Variants in TECTA observed in about 807,000 individuals in gnomAD.
TECTA encodes alpha-tectorin.
A neutral mutation model predicts 216.8 loss-of-function variants in TECTA; 128 were observed. The ratio of observed to expected loss-of-function variants is 0.59; its 90% CI spans 0.51 to 0.68. The LOEUF is 0.68. TECTA is among the 30% of genes least tolerant of loss of function. TECTA has a pLI of 0.00. For missense variants in TECTA, 2,551 were observed against 2,786.2 expected, an observed-to-expected ratio of 0.92 and a Z score of 1.90; for synonymous variants, 1,089 against 1,117.1, an observed-to-expected ratio of 0.97 and a Z score of 0.50.
chr11:121,128,977 G>T (rs1342426010), intron 9 of TECTA, among the ~76,000 whole-genome samples: 1 of 152,208 alleles, frequency 6.6e-6, no homozygotes, highest in East Asian at 1.9e-4. Flanking sequence ...TACTAAAAGG[G>T]TAAGTGAAGG....
intron 6 of TECTA, 125 bp from the exon 7 acceptor site, chr11:121,118,181 C>T: frequency 1.6e-6 from 2 of 1,248,228 alleles, no homozygotes; most frequent in South Asian, 2.6e-5. Context: ...TGAGGGTGAC[C>T]ATACCTCCCT....
At chr11:121,156,222 T>C (rs185365800) in intron 13 of TECTA, among the ~76,000 whole-genome samples, 147 of 152,328 alleles carry the variant, frequency 9.7e-4, no homozygotes, top group African/African-American at 3.4e-3. Context: ...TTGCCCAGGC[T>C]GAAGTGCAGC....
rs1195908583 is a variant in TECTA, at chr11:121,188,003, G to A, written c.6162+9G>A. ...AGTACTCCTGTAAAATCGTAAGTGA[G>A]AGTGTGAAAACAAAGTGCTTAGCCT... On this transcript the variant is annotated intron_variant, in intron 21 of 23. Coordinates refer to ENST00000392793, the MANE Select transcript of TECTA (RefSeq NM_005422.4). 3.1e-6 allele frequency: 5 copies of A among 1,614,042 alleles called. No homozygotes were observed. The highest frequency in any genetic ancestry group is 1.6e-4 in the Middle Eastern group (1 of 6,084).
At chr11:121,170,172 AAT>A (rs1947096639) in intron 20 of TECTA, among the ~76,000 whole-genome samples, 1 of 152,142 alleles carries the variant, frequency 6.6e-6, no homozygotes, top group African/African-American at 2.4e-5. Context: ...TGTTGTTGCA[AAT>A]GATAGGATTT....
chr11:121,164,789 A>C (rs1947034774), intron 16 of TECTA, among the ~76,000 whole-genome samples: 1 of 152,158 alleles, frequency 6.6e-6, no homozygotes, highest in South Asian at 2.1e-4. Flanking sequence ...ACTGGCCCTA[A>C]TATGTTCATT....
chr11:121,162,158 G>A lies in TECTA; in HGVS notation c.5060G>A (p.Gly1687Asp). ...CDNVHIQKMQ[G>D]DGYCLKLTDM... ...AATGTGCACATCCAGAAGATGCAGG[G>A]TGATGGCTACTGCCTGAAGCTCACC... The change falls in exon 16 of 24, where the codon GGT (glycine) becomes GAT (aspartate). Residue 1687 changes from glycine to aspartate, a missense_variant. Transcript: ENST00000392793. 2 of 1,614,220 alleles carry A rather than the reference G, an allele frequency of 1.2e-6. No homozygotes were observed. The highest frequency in any genetic ancestry group is 1.7e-6 in the Non-Finnish European group (2 of 1,180,048).
chr11:121,165,811 G>T (rs1947047740), intron 17 of TECTA, among the ~76,000 whole-genome samples: 1 of 152,160 alleles, frequency 6.6e-6, no homozygotes, highest in Non-Finnish European at 1.5e-5. Flanking sequence ...AGGACTCCAG[G>T]ACTTGTTCCT....
chr11:121,185,215 T>C (rs1479292530), intron 20 of TECTA, among the ~76,000 whole-genome samples: 1 of 152,254 alleles, frequency 6.6e-6, no homozygotes, highest in African/African-American at 2.4e-5. Context: ...TCAGTCCTCC[T>C]AACCTTTCTT....
chr11:121,128,437 C>A, intron 9 of TECTA, 93 bp downstream of exon 9: 2 of 1,197,198 alleles, frequency 1.7e-6, no homozygotes, highest in Non-Finnish European at 2.3e-6. Context: ...TCTGCCTCTG[C>A]CTATGAGTGG....
chr11:121,167,934 T>A, intron 18 of TECTA, 120 bp from the exon 19 acceptor site: 1 of 1,141,652 alleles, frequency 8.8e-7, no homozygotes, highest in Non-Finnish European at 1.3e-6. Flanking sequence ...TGATTTATAC[T>A]GGCCTCTAAA....
At chr11:121,117,745 A>G (rs561371007) in intron 6 of TECTA, among the ~76,000 whole-genome samples, 14 of 152,342 alleles carry the variant, frequency 9.2e-5, no homozygotes, top group African/African-American at 2.9e-4. Context: ...AATGTGCAAG[A>G]AAGTGGTCAG....
intron 20 of TECTA, among the ~76,000 whole-genome samples, chr11:121,169,859 TG>T (rs1280516152): frequency 2.6e-5 from 4 of 152,220 alleles, no homozygotes; most frequent in African/African-American, 9.6e-5. Flanking sequence ...TTCCTTTGTG[TG>T]GGGCATTTCA....
At chr11:121,179,139 T>C (rs1947200213) in intron 20 of TECTA, among the ~76,000 whole-genome samples, 1 of 152,144 alleles carries the variant, frequency 6.6e-6, no homozygotes, top group South Asian at 2.1e-4. Context: ...GGATTTAATT[T>C]TCTACTTTTT....
At chr11:121,103,407 G>A (rs1296949792) in intron 2 of TECTA, among the ~76,000 whole-genome samples, 2 of 152,070 alleles carry the variant, frequency 1.3e-5, no homozygotes, top group African/African-American at 4.8e-5. Flanking sequence ...AGTTCAAGTG[G>A]CACATGAGTA....
At chr11:121,137,176 GCA>G (rs1316274355) in intron 10 of TECTA, among the ~76,000 whole-genome samples, 3 of 151,956 alleles carry the variant, frequency 2.0e-5, no homozygotes, top group African/African-American at 7.3e-5. Flanking sequence ...ACAGATGTGT[GCA>G]CACACAGGCA....
At chr11:121,167,209 C>T (rs553557761) in intron 18 of TECTA, among the ~76,000 whole-genome samples, 2 of 152,292 alleles carry the variant, frequency 1.3e-5, no homozygotes, top group East Asian at 3.9e-4. Context: ...GGCAGAAGGA[C>T]TGCTAGAGGC....
In TECTA at chr11:121,143,447, G is replaced by T. The variant is rs1325885887; in HGVS notation, c.3544-2108G>T. Among the ~76,000 whole-genome samples, 3 of 152,320 alleles carry T rather than the reference G, an allele frequency of 2.0e-5. No individual in the cohort carries two copies. In the East Asian group the frequency reaches 5.8e-4, roughly 29 times the overall value. On this transcript the variant is annotated intron_variant, in intron 11 of 23. Transcript: ENST00000392793. ...CCTCCTCCTTTGAGACCAGGTGTGG[G>T]CATTGTCTTCTGCAGGCAGCCCTGA...
chr11:121,129,602 G>A, intron 9 of TECTA, 36 bp from the exon 10 acceptor site: 1 of 1,604,714 alleles, frequency 6.2e-7, no homozygotes. Flanking sequence ...TGCTCTGTGT[G>A]TCTCTGGAAT....
At chr11:121,155,796 C>T (rs571379213) in intron 13 of TECTA, among the ~76,000 whole-genome samples, 1 of 152,282 alleles carries the variant, frequency 6.6e-6, no homozygotes, top group African/African-American at 2.4e-5. Flanking sequence ...ACAATCATGA[C>T]CAATTTCCAA....
Sources: gnomAD v4.1 joint callset for allele counts (sites outside exome capture counted in the v4.1 genomes callset) on GRCh38, gnomAD v4.1.1 for gene constraint, MANE v1.5 for transcripts, NCBI Gene and HGNC (gene_info 2026-07-23, HGNC 2026-07-21) for gene names.